The following NAPG variants were observed in gnomAD, a reference collection of about 807,000 sequenced individuals.
NAPG encodes the protein gamma-soluble NSF attachment protein.
NAPG carries 25 observed loss-of-function variants against 48.4 expected under a neutral mutation model. The ratio of observed to expected loss-of-function variants is 0.52; its 90% CI spans 0.38 to 0.72. NAPG has a LOEUF of 0.72. Among genes scored for constraint, NAPG ranks in the 30% least tolerant of loss-of-function variants. NAPG has a pLI of 0.00. For missense variants in NAPG, 359 were observed against 372.5 expected (o/e 0.96, Z 0.30); for synonymous variants, 139 against 127.2 (o/e 1.09, Z -0.62).
Position 10,549,064 on chromosome 18 carries a change from A to G in NAPG, c.763A>G (p.Asn255Asp). 3 of 1,613,926 alleles carry G rather than the reference A, an allele frequency of 1.9e-6. No homozygotes were observed. Among genetic ancestry groups the G allele is most frequent in the Non-Finnish European group, 1.7e-6 (2 of 1,179,810 alleles). The change falls in exon 11 of 12, where the codon AAC (asparagine) becomes GAC (aspartate). Residue 255 changes from asparagine to aspartate, a missense_variant. Transcript: ENST00000322897. ...CCAAGATCAGGTGTCAGATGTCTGC[A>G]ACTCACCGCTTTTCAAGTACATGGA... is the stretch of plus-strand genomic sequence containing the variant. ...QDQDQVSDVC[N>D]SPLFKYMDND...
At chr18:10,526,238 G>GCCTTTCCCCC in intron 1 of NAPG, 80 bp downstream of exon 1, 1 of 858,064 alleles carries the variant, frequency 1.2e-6, no homozygotes, top group East Asian at 3.3e-5. Context: ...CCCGGGGGGG[G>GCCTTTCCCCC]CGGGAGGGAG....
rs977279904 is a variant in NAPG, at chr18:10,542,540, T to C, written c.506+2141T>C. ...ATGTGATAATTGAAAATATTAACTATGTGCTTAGATTATTATTTGATTGCA... is the reference window on the plus strand; with the variant it reads ...ATGTGATAATTGAAAATATTAACTACGTGCTTAGATTATTATTTGATTGCA... On this transcript the variant is annotated intron_variant, in intron 8 of 11. Coordinates refer to ENST00000322897, the MANE Select transcript of NAPG (RefSeq NM_003826.3). This position sits in a 1 kb window ranked among gnomAD's most constrained non-coding sequence, Gnocchi z 4.5. 1.3e-5 allele frequency among the ~76,000 whole-genome samples: 2 copies of C among 152,202 alleles called. No homozygotes were observed. The highest frequency in any genetic ancestry group is 4.8e-5 in the African/African-American group (2 of 41,452).
Position 10,546,121 on chromosome 18 carries a change from C to T in NAPG, c.507-205C>T, listed in dbSNP as rs1017925192. On this transcript the variant is annotated intron_variant, in intron 8 of 11. Coordinates refer to ENST00000322897, the MANE Select transcript of NAPG (RefSeq NM_003826.3). This position sits in a 1 kb window ranked among gnomAD's most constrained non-coding sequence, Gnocchi z 4.0. ...TGAGTTCTTTTGCTTTTTCTGTCAGCGTGCAGCCTGAAAGTGGGGAGTCAG... is the reference window on the plus strand; with the variant it reads ...TGAGTTCTTTTGCTTTTTCTGTCAGTGTGCAGCCTGAAAGTGGGGAGTCAG... Among the ~76,000 whole-genome samples the T allele has an allele frequency of 3.9e-5, 6 of 152,132 alleles. No homozygotes were observed. The highest frequency in any genetic ancestry group is 1.9e-4 in the East Asian group (1 of 5,196).
chr18:10,550,374 C>A lies in NAPG; in HGVS notation c.*154C>A. 1.4e-6 allele frequency: 1 copy of A among 723,500 alleles called. No individual in the cohort carries two copies. Among genetic ancestry groups the A allele is most frequent in the Non-Finnish European group, 2.1e-6 (1 of 479,204 alleles). 44.8% of individuals were successfully genotyped at this position (723,500 alleles called of 1,614,324 possible). A position where few individuals can be genotyped will look rare whatever the true frequency, so the allele number is the denominator to read the frequency against. ...GTTTTTAGTTACCATCTTCCCAAAT[C>A]ACTCATTGTATCCATTACCTGTGAA... On this transcript the variant is annotated 3_prime_UTR_variant, in exon 12 of 12. Coordinates refer to ENST00000322897, the MANE Select transcript of NAPG (RefSeq NM_003826.3).
intron 1 of NAPG, among the ~76,000 whole-genome samples, chr18:10,530,451 A>C (rs1251670262): frequency 6.6e-6 from 1 of 152,056 alleles, no homozygotes; most frequent in African/African-American, 2.4e-5. Context: ...GTTAAACCTC[A>C]GAGGTGCTGT....
Position 10,548,773 on chromosome 18 carries a change from C to T in NAPG, c.666-194C>T, listed in dbSNP as rs747960224. ...TTTGGGCTGGATAATTCTTTGTGGT[C>T]GGGCCTGTCCTGTGCACTGTAGGCT... On this transcript the variant is annotated intron_variant, in intron 10 of 11. Coordinates refer to ENST00000322897, the MANE Select transcript of NAPG (RefSeq NM_003826.3). This position sits in a 1 kb window ranked among gnomAD's most constrained non-coding sequence, Gnocchi z 4.4. Among the ~76,000 whole-genome samples the T allele has an allele frequency of 1.3e-5, 2 of 151,968 alleles. No homozygotes were observed. The highest frequency in any genetic ancestry group is 6.6e-5 in the Admixed American group (1 of 15,254).
chr18:10,539,161 A>G lies in NAPG; in HGVS notation c.259-601A>G, dbSNP rs1052696856. 1 of 152,302 alleles carries G rather than the reference A, an allele frequency of 6.6e-6. No homozygotes were observed. Among genetic ancestry groups the G allele is most frequent in the African/African-American group, 2.4e-5 (1 of 41,462 alleles). 9.4% of individuals were successfully genotyped at this position (152,302 alleles called of 1,614,324 possible). A position where few individuals can be genotyped will look rare whatever the true frequency, so the allele number is the denominator to read the frequency against. ...AATCCCATTACTGGGCATATGCCCAAAGGAACATAAATCATTCTATAGAAA... is the reference window on the plus strand; with the variant it reads ...AATCCCATTACTGGGCATATGCCCAGAGGAACATAAATCATTCTATAGAAA... On this transcript the variant is annotated intron_variant, in intron 5 of 11. Coordinates refer to ENST00000322897, the MANE Select transcript of NAPG (RefSeq NM_003826.3). This position sits in a 1 kb window ranked among gnomAD's most constrained non-coding sequence, Gnocchi z 4.7.
At chr18:10,531,099 C>G (rs903454732) in intron 2 of NAPG, among the ~76,000 whole-genome samples, 1 of 152,048 alleles carries the variant, frequency 6.6e-6, no homozygotes, top group Non-Finnish European at 1.5e-5. Context: ...GGGTTTTTAG[C>G]GTTGCTTATA....
chr18:10,529,707 A>G (rs2031889979), intron 1 of NAPG, among the ~76,000 whole-genome samples: 1 of 152,146 alleles, frequency 6.6e-6, no homozygotes, highest in Non-Finnish European at 1.5e-5. Flanking sequence ...GAGCCGAGAT[A>G]ATACCACTGC....
chr18:10,526,248 G>T, intron 1 of NAPG, 90 bp downstream of exon 1: 1 of 782,670 alleles, frequency 1.3e-6, no homozygotes. Context: ...GCGGGAGGGA[G>T]GGCTCAGGGC....
rs2032390968 is a variant in NAPG at position 10,551,401 on chromosome 18, C to T, written c.*1181C>T. ...AATGCTATATACTATGAAAACTTAG[C>T]TGAAAGGGAAGAATTGTTTTAGAAA... is the stretch of plus-strand genomic sequence containing the variant. On this transcript the variant is annotated 3_prime_UTR_variant, in exon 12 of 12. Transcript: ENST00000322897. The T allele has an allele frequency of 6.6e-6, 1 of 152,164 alleles. No individual in the cohort carries two copies. Among genetic ancestry groups the T allele is most frequent in the African/African-American group, 2.4e-5 (1 of 41,434 alleles). 9.4% of individuals were successfully genotyped at this position (152,164 alleles called of 1,614,324 possible). A position where few individuals can be genotyped will look rare whatever the true frequency, so the allele number is the denominator to read the frequency against.
chr18:10,550,032 G>C, intron 11 of NAPG, 45 bp from the exon 12 acceptor site: 1 of 1,489,006 alleles, frequency 6.7e-7, no homozygotes, highest in Non-Finnish European at 8.9e-7. Flanking sequence ...AACATGTTAG[G>C]ATTCTAGTTA....
At chr18:10,533,763 ATATTT>A (rs1156599940) in intron 4 of NAPG, among the ~76,000 whole-genome samples, 1 of 151,948 alleles carries the variant, frequency 6.6e-6, no homozygotes, top group Non-Finnish European at 1.5e-5. Context: ...ATTTGCCATA[ATATTT>A]TATTAGGAGC....
At chr18:10,529,921 A>G (rs1301263423) in intron 1 of NAPG, among the ~76,000 whole-genome samples, 1 of 152,190 alleles carries the variant, frequency 6.6e-6, no homozygotes, top group Non-Finnish European at 1.5e-5. Flanking sequence ...TAATTGAATG[A>G]CATTTAGAAT....
At chr18:10,536,021 A>G (rs1054074614) in intron 5 of NAPG, among the ~76,000 whole-genome samples, 4 of 152,142 alleles carry the variant, frequency 2.6e-5, no homozygotes, top group African/African-American at 9.7e-5. Flanking sequence ...TGGCTGTTAC[A>G]TTCTTAGTGT....
At position 10,540,472 on chromosome 18, in the gene NAPG, G is replaced by A. The variant is rs970065335; in HGVS notation, c.506+73G>A. The A allele has an allele frequency of 2.5e-5, 32 of 1,296,046 alleles. No individual in the cohort carries two copies. In the Admixed American group the frequency reaches 4.7e-4, roughly 19 times the overall value. The allele number at this position is 1,296,046 out of a possible 1,614,324, so 80.3% of individuals were successfully genotyped here. Reference sequence around the variant, plus strand: ...CACATTTGGAACTGGAAAGTAATTTGGGGGATAGCTTGTTAATTTTTTGGT... The same window carrying A: ...CACATTTGGAACTGGAAAGTAATTTAGGGGATAGCTTGTTAATTTTTTGGT... On this transcript the variant is annotated intron_variant, in intron 8 of 11. Coordinates refer to ENST00000322897, the MANE Select transcript of NAPG (RefSeq NM_003826.3).
rs974831068 is a variant in NAPG, at chr18:10,542,900, C to T, written c.506+2501C>T. Among the ~76,000 whole-genome samples the T allele has an allele frequency of 1.3e-5, 2 of 152,026 alleles. No individual in the cohort carries two copies. Among genetic ancestry groups the T allele is most frequent in the African/African-American group, 2.4e-5 (1 of 41,388 alleles). On this transcript the variant is annotated intron_variant, in intron 8 of 11. Coordinates refer to ENST00000322897, the MANE Select transcript of NAPG (RefSeq NM_003826.3). This position sits in a 1 kb window ranked among gnomAD's most constrained non-coding sequence, Gnocchi z 4.5. ...TGTTCCTTTTTAGAAAAGGCCTTTC[C>T]AGGCTGGGTGCAGTGGCTCATGCCT... is the stretch of plus-strand genomic sequence containing the variant.
Position 10,542,250 on chromosome 18 carries a change from A to G in NAPG, c.506+1851A>G, listed in dbSNP as rs771331261. On this transcript the variant is annotated intron_variant, in intron 8 of 11. Transcript: ENST00000322897. This position sits in a 1 kb window ranked among gnomAD's most constrained non-coding sequence, Gnocchi z 4.5. ...TGGTTTTTTTTTTTTCTTTTTAGGAAAAATGTATTTTAAAATGGTACTTTC... is the reference window on the plus strand; with the variant it reads ...TGGTTTTTTTTTTTTCTTTTTAGGAGAAATGTATTTTAAAATGGTACTTTC... Among the ~76,000 whole-genome samples the G allele has an allele frequency of 6.6e-6, 1 of 151,996 alleles. No individual in the cohort carries two copies. The highest frequency in any genetic ancestry group is 1.5e-5 in the Non-Finnish European group (1 of 68,004).
In NAPG at chr18:10,546,031, C is replaced by T. The variant is rs989280281; in HGVS notation, c.507-295C>T. Among the ~76,000 whole-genome samples, 10 of 152,170 alleles carry T rather than the reference C, an allele frequency of 6.6e-5. No homozygotes were observed. The highest frequency in any genetic ancestry group is 2.4e-4 in the African/African-American group (10 of 41,434). On this transcript the variant is annotated intron_variant, in intron 8 of 11. Transcript: ENST00000322897. The surrounding 1 kb of genome is among the most constrained non-coding windows in gnomAD (Gnocchi z 4.0). ...TCTCAAGTACGTATCACGAAGAAGT[C>T]GTGACACTCGCTATTGGACAGTCCT...
Sources: allele counts gnomAD v4.1 joint callset (sites outside exome capture counted in the v4.1 genomes callset), GRCh38; gene constraint gnomAD v4.1.1; non-coding constraint Gnocchi (gnomAD v3.1); transcripts MANE v1.5; gene names NCBI Gene and HGNC (gene_info 2026-07-23, HGNC 2026-07-21).